The following FOCAD variants were observed in gnomAD, a reference collection of about 807,000 sequenced individuals.
FOCAD encodes focadhesin.
A neutral mutation model predicts 225.6 loss-of-function variants in FOCAD; 198 were observed. The ratio of observed to expected loss-of-function variants is 0.88; its 90% CI spans 0.78 to 0.99. The LOEUF (loss-of-function observed/expected upper bound fraction) is 0.99. Ranked by LOEUF, FOCAD falls within the 50% of genes least tolerant of loss-of-function variation. The pLI is 0.00. For missense variants in FOCAD, 2,713 were observed against 2,123.6 expected (o/e 1.28, Z -5.46); for synonymous variants, 897 against 755.0 (o/e 1.19, Z -3.08).
Position 20,978,416 on chromosome 9 carries a change from G to T in FOCAD, c.4339G>T (p.Gly1447Cys). 6.2e-7 allele frequency: 1 copy of T among 1,611,898 alleles called. No homozygotes were observed. Among genetic ancestry groups the T allele is most frequent in the Non-Finnish European group, 8.5e-7 (1 of 1,178,892 alleles). The change falls in exon 37 of 44, where the codon GGC becomes TGC. Residue 1447 changes from glycine (G) to cysteine (C), a missense_variant. Gly to Cys is a radical substitution (Grantham distance 159, BLOSUM62 -3). Coordinates refer to ENST00000338382, the MANE Select transcript of FOCAD (RefSeq NM_001375567.1). ...ATCCCAGAATGCAGCTGCACTATTGGGCTTGTGGGTGACACCACCACTGAT... is the reference window on the plus strand; with the variant it reads ...ATCCCAGAATGCAGCTGCACTATTGTGCTTGTGGGTGACACCACCACTGAT... ...QSSQNAAALL[G>C]LWVTPPLIHS...
chr9:20,729,361 C>G (rs1332550873), intron 4 of FOCAD, among the ~76,000 whole-genome samples: 2 of 152,138 alleles, frequency 1.3e-5, no homozygotes, highest in East Asian at 3.8e-4. Flanking sequence ...GGCTGACTTA[C>G]CTGTATATCT....
intron 23 of FOCAD, among the ~76,000 whole-genome samples, chr9:20,913,644 C>T (rs1229914457): frequency 6.6e-6 from 1 of 152,108 alleles, no homozygotes; most frequent in African/African-American, 2.4e-5. Flanking sequence ...CATTTACTGA[C>T]AGTTGGCTCA....
At chr9:20,840,509 TA>T (rs556176902) in intron 15 of FOCAD, among the ~76,000 whole-genome samples, 24 of 151,662 alleles carry the variant, frequency 1.6e-4, no homozygotes, top group Middle Eastern at 3.4e-3. Context: ...TATTTTATTT[TA>T]TTATTATAAG....
At position 20,988,426 on chromosome 9, in the gene FOCAD, C is replaced by T. The variant is rs757643408; in HGVS notation, c.5001C>T (p.Asp1667=). 1.1e-4 allele frequency: 169 copies of T among 1,575,878 alleles called. 2 individuals are homozygous for T. In the South Asian group the frequency reaches 1.6e-3, roughly 15 times the overall value. ...QSTSFHNTAL[D]KALDFFLLIF... is the part of the protein sequence containing the mutation. ...CATCCTTTCACAATACGGCTCTTGA[C>T]AAGGTAAAATCTAGAGGAGTAGTTT... The change falls in exon 41 of 44, where the codon GAC becomes GAT. Residue 1667 remains aspartate (D), a synonymous_variant. Transcript: ENST00000338382.
chr9:20,687,051 T>C (rs1416170238), intron 1 of FOCAD, among the ~76,000 whole-genome samples: 3 of 152,078 alleles, frequency 2.0e-5, no homozygotes, highest in African/African-American at 4.8e-5. Context: ...AAATTGTGTT[T>C]ATGATTTTAA....
At chr9:20,909,709 G>C (rs1412722946) in intron 22 of FOCAD, among the ~76,000 whole-genome samples, 2 of 152,054 alleles carry the variant, frequency 1.3e-5, no homozygotes, top group East Asian at 3.9e-4. Context: ...GTGTGATTTA[G>C]GCTATCACTA....
intron 11 of FOCAD, among the ~76,000 whole-genome samples, chr9:20,814,910 T>G (rs892773721): frequency 6.6e-6 from 1 of 152,068 alleles, no homozygotes; most frequent in Non-Finnish European, 1.5e-5. Flanking sequence ...ATACCAGAAT[T>G]AAAAGTGATT....
chr9:20,897,486 T>C (rs1237655185), intron 21 of FOCAD, among the ~76,000 whole-genome samples: 1 of 151,706 alleles, frequency 6.6e-6, no homozygotes, highest in Non-Finnish European at 1.5e-5. Context: ...CGGTTTCAAC[T>C]GAACATTTTG....
At chr9:20,674,848 A>G (rs1447656292) in intron 2 of FOCAD, among the ~76,000 whole-genome samples, 3 of 152,202 alleles carry the variant, frequency 2.0e-5, no homozygotes, top group Non-Finnish European at 2.9e-5. Flanking sequence ...GAAATTTAAG[A>G]AGCCTGATTG....
intron 22 of FOCAD, among the ~76,000 whole-genome samples, chr9:20,909,097 A>C (rs1833223955): frequency 6.6e-6 from 1 of 152,120 alleles, no homozygotes; most frequent in Admixed American, 6.6e-5. Context: ...GGCTAAATTG[A>C]ATAGGGTTAT....
chr9:20,700,192 C>A (rs1823826935), intron 1 of FOCAD, among the ~76,000 whole-genome samples: 1 of 151,550 alleles, frequency 6.6e-6, no homozygotes, highest in South Asian at 2.1e-4. Context: ...ATGGGAAATA[C>A]ACAGAGGTGA....
chr9:20,819,270 A>G (rs1254897170), intron 11 of FOCAD, among the ~76,000 whole-genome samples: 1 of 151,932 alleles, frequency 6.6e-6, no homozygotes, highest in East Asian at 1.9e-4. Context: ...CTGGAGTGCA[A>G]TGGTGCAATC....
intron 11 of FOCAD, among the ~76,000 whole-genome samples, chr9:20,795,633 A>G (rs1455128092): frequency 6.6e-6 from 1 of 151,502 alleles, no homozygotes; most frequent in Non-Finnish European, 1.5e-5. Flanking sequence ...AAATACAAAA[A>G]CTTAGTCGGG....
rs763657414 is a variant in FOCAD at position 20,820,371 on chromosome 9, A to G, written c.1608A>G (p.Thr536=). The G allele has an allele frequency of 1.2e-6, 2 of 1,612,850 alleles. No homozygotes were observed. Among genetic ancestry groups the G allele is most frequent in the Non-Finnish European group, 1.7e-6 (2 of 1,179,338 alleles). ...GAATAATACAACTACTTGGAACCAC[A>G]CCACGACTAAGAGCTGTCACTTTGC... ...ILRIIQLLGT[T]PRLRAVTLRL... is the part of the protein sequence containing the mutation. The change falls in exon 13 of 44, where the codon ACA becomes ACG. Residue 536 remains threonine, a synonymous_variant. Transcript: ENST00000338382.
chr9:20,773,620 A>T (rs1818453906), intron 8 of FOCAD, among the ~76,000 whole-genome samples: 1 of 152,204 alleles, frequency 6.6e-6, no homozygotes, highest in South Asian at 2.1e-4. Context: ...TCAGACTTCT[A>T]TAGTAACTAC....
In FOCAD at chr9:20,820,962, C is replaced by T. The variant is rs139120514; in HGVS notation, c.1684C>T (p.Gln562Ter). 14 of 1,612,386 alleles carry T rather than the reference C, an allele frequency of 8.7e-6. No individual in the cohort carries two copies. The highest frequency in any genetic ancestry group is 1.2e-5 in the Non-Finnish European group (14 of 1,178,994). ...GTAGGACCGAGTCTATCCTGAACTGCAGCGTTTCATGGCTGTGTCTGATGT... is the reference window on the plus strand; with the variant it reads ...GTAGGACCGAGTCTATCCTGAACTGTAGCGTTTCATGGCTGTGTCTGATGT... ...EKQDRVYPEL[Q>*]RFMAVSDVPS... Residue 562 changes from glutamine to a stop codon, truncating the protein, a stop_gained, in exon 14 of 44, where the codon CAG becomes TAG. Transcript: ENST00000338382. LOFTEE classifies it high-confidence loss of function.
At chr9:20,978,084 C>G (rs991000216) in intron 36 of FOCAD, among the ~76,000 whole-genome samples, 16 of 152,164 alleles carry the variant, frequency 1.1e-4, no homozygotes, top group Non-Finnish European at 2.1e-4. Context: ...TGTGTAGTTT[C>G]CTCTGGATAT....
chr9:20,703,297 C>G (rs755805368), intron 1 of FOCAD, among the ~76,000 whole-genome samples: 46 of 152,010 alleles, frequency 3.0e-4, no homozygotes, highest in Non-Finnish European at 5.9e-4. Context: ...CCTGAGAGTT[C>G]TAGACCCAGA....
chr9:20,849,273 C>G (rs562019462), intron 15 of FOCAD, among the ~76,000 whole-genome samples: 1 of 151,724 alleles, frequency 6.6e-6, no homozygotes, highest in Non-Finnish European at 1.5e-5. Flanking sequence ...CCTTTGTTTC[C>G]TCTTGTTTTT....
Sources: allele counts gnomAD v4.1 joint callset (sites outside exome capture counted in the v4.1 genomes callset), GRCh38; gene constraint gnomAD v4.1.1; transcripts MANE v1.5; gene names NCBI Gene and HGNC (gene_info 2026-07-23, HGNC 2026-07-21).